MMGT1: variants seen among roughly 807,000 people sequenced by gnomAD.
MMGT1 encodes membrane magnesium transporter 1.
In MMGT1, 2 loss-of-function variants were observed where a neutral mutation model predicts 11.7. That is an observed-to-expected ratio of 0.17 (90% CI 0.07 to 0.54). The LOEUF (loss-of-function observed/expected upper bound fraction) is 0.54. Among genes scored for constraint, MMGT1 ranks in the 20% least tolerant of loss-of-function variants. MMGT1 has a pLI of 0.94. For synonymous variants in MMGT1, 49 were observed against 44.4 expected, an observed-to-expected ratio of 1.10 and a Z score of -0.41; for missense variants, 74 against 109.0, an observed-to-expected ratio of 0.68 and a Z score of 1.43.
intron 3 of MMGT1, 129 bp downstream of exon 3, chrX:135,967,261 A>G: frequency 2.1e-6 from 1 of 465,328 alleles, no homozygotes. Context: ...CTCATTATTC[A>G]TACAAACTGT....
rs782247100 is a variant in MMGT1, at chrX:135,961,541, A to C, written c.*3483T>G. On this transcript the variant is annotated 3_prime_UTR_variant, in exon 4 of 4. Transcript: ENST00000305963. ...TGCATACATCATCTTTCTTGCCCCC[A>C]CTCCCCTTTCTAAGAACACTTAATT... 4.5e-5 allele frequency among the ~76,000 whole-genome samples: 5 copies of C among 110,175 alleles called. No individual in the cohort carries two copies. The East Asian group carries it at 1.4e-3, about 31-fold the overall frequency.
At position 135,960,910 on chromosome X, in the gene MMGT1, G is replaced by A. The variant is rs1045070859; in HGVS notation, c.*4114C>T. 8.9e-6 allele frequency among the ~76,000 whole-genome samples: 1 copy of A among 111,734 alleles called. No individual in the cohort carries two copies. Among genetic ancestry groups the A allele is most frequent in the Non-Finnish European group, 1.9e-5 (1 of 53,081 alleles). On this transcript the variant is annotated 3_prime_UTR_variant, in exon 4 of 4. Transcript: ENST00000305963. ...AAATGCATTAGAACTTCATTAAAAC[G>A]CAAGATACCATTTATTCACTTTCAC...
intron 2 of MMGT1, among the ~76,000 whole-genome samples, chrX:135,968,343 A>C (rs2148118752): frequency 9.0e-6 from 1 of 111,293 alleles, no homozygotes; most frequent in African/African-American, 3.3e-5. Context: ...ATTATATATT[A>C]CTCAGTTTCT....
At chrX:135,969,133 T>A (rs2089203031) in intron 2 of MMGT1, among the ~76,000 whole-genome samples, 1 of 61,806 alleles carries the variant, frequency 1.6e-5, no homozygotes, top group Admixed American at 2.4e-4. Context: ...AAAATAGACA[T>A]AAATATGTGT....
chrX:135,964,912 A>T lies in MMGT1; in HGVS notation c.*112T>A. 1.6e-6 allele frequency: 1 copy of T among 607,107 alleles called. No individual in the cohort carries two copies. Among genetic ancestry groups the T allele is most frequent in the Non-Finnish European group, 2.5e-6 (1 of 394,499 alleles). 50.0% of individuals were successfully genotyped at this position (607,107 alleles called of 1,213,427 possible). On this transcript the variant is annotated 3_prime_UTR_variant, in exon 4 of 4. Coordinates refer to ENST00000305963, the MANE Select transcript of MMGT1 (RefSeq NM_173470.3). ...GGGCCATGGTTTTTTTTACTAAAGT[A>T]GGTCTGAAAGATCAATATAAATACT...
At chrX:135,970,126 A>T (rs2089209135) in intron 2 of MMGT1, among the ~76,000 whole-genome samples, 1 of 111,647 alleles carries the variant, frequency 9.0e-6, no homozygotes, top group Non-Finnish European at 1.9e-5. Context: ...GCACTTTGGG[A>T]GGCTGAGGCA....
In MMGT1 at chrX:135,964,525, A is replaced by G. The variant is rs782453676; in HGVS notation, c.*499T>C. On this transcript the variant is annotated 3_prime_UTR_variant, in exon 4 of 4. Transcript: ENST00000305963. The stretch of plus-strand genomic sequence containing the variant: ...AAACTGGCAAGTACTTCTGAAGCAG[A>G]GCCACTTTTTAGGGGACACAAGAAA... The G allele has an allele frequency of 8.9e-6, 1 of 112,689 alleles. No homozygotes were observed. Among genetic ancestry groups the G allele is most frequent in the South Asian group, 3.6e-4 (1 of 2,748 alleles). The allele number at this position is 112,689 out of a possible 1,213,427, so 9.3% of individuals were successfully genotyped here.
At chrX:135,973,108 G>A (rs1475592158) in intron 1 of MMGT1, among the ~76,000 whole-genome samples, 1 of 111,893 alleles carries the variant, frequency 8.9e-6, no homozygotes, top group Non-Finnish European at 1.9e-5. Context: ...GGTAATGCAA[G>A]TTTTTAACAA....
At chrX:135,973,398 T>G (rs1217765551) in intron 1 of MMGT1, among the ~76,000 whole-genome samples, 199 bp downstream of exon 1, 1 of 112,033 alleles carries the variant, frequency 8.9e-6, no homozygotes, top group East Asian at 2.8e-4. Flanking sequence ...TCCTGCAATT[T>G]CAGGTGCCAC....
At chrX:135,968,201 T>C (rs781842100) in intron 2 of MMGT1, among the ~76,000 whole-genome samples, 1 of 111,600 alleles carries the variant, frequency 9.0e-6, no homozygotes, top group East Asian at 2.8e-4. Flanking sequence ...GTACACAGCA[T>C]AAAGCAATTA....
At chrX:135,971,652 G>A (rs2089220113) in intron 1 of MMGT1, among the ~76,000 whole-genome samples, 1 of 112,186 alleles carries the variant, frequency 8.9e-6, no homozygotes, top group African/African-American at 3.2e-5. Flanking sequence ...ACACAGTATG[G>A]ACAAAATAAT....
At position 135,967,167 on chromosome X, in the gene MMGT1, C is replaced by T. The variant is rs190712693; in HGVS notation, c.236+223G>A. Among the ~76,000 whole-genome samples the T allele has an allele frequency of 5.0e-3, 555 of 111,978 alleles. 3 individuals carry two copies. Among genetic ancestry groups the T allele is most frequent in the African/African-American group, 0.017 (521 of 30,861 alleles). Reference sequence around the variant, plus strand: ...ACAACCAACCAATAATTTTAAGCAACGTATTTTTTTGATTCTACTGTGAAT... The same window carrying T: ...ACAACCAACCAATAATTTTAAGCAATGTATTTTTTTGATTCTACTGTGAAT... On this transcript the variant is annotated intron_variant, in intron 3 of 3. Coordinates refer to ENST00000305963, the MANE Select transcript of MMGT1 (RefSeq NM_173470.3).
Position 135,965,138 on chromosome X carries a change from A to T in MMGT1, c.282T>A (p.Asn94Lys). 1 of 1,208,986 alleles carries T rather than the reference A, an allele frequency of 8.3e-7. No homozygotes were observed. The highest frequency in any genetic ancestry group is 1.1e-6 in the Non-Finnish European group (1 of 893,092). Reference sequence around the variant, plus strand: ...GCCGGAAAAGTACTCGACCACGATGATTAAATACATAAAAGGATGGGTGAT... The same window carrying T: ...GCCGGAAAAGTACTCGACCACGATGTTTAAATACATAAAAGGATGGGTGAT... ...LRNHPSFYVFNHRGRVLFRPS... is the reference protein window; with the variant it reads ...LRNHPSFYVFKHRGRVLFRPS... The change falls in exon 4 of 4, where the codon AAT (asparagine) becomes AAA (lysine). Residue 94 changes from asparagine (N) to lysine (K), a missense_variant. Asn to Lys is a moderately conservative substitution (Grantham distance 94, BLOSUM62 0). Around this residue, in one of 2 missense-constraint regions of MMGT1, gnomAD observed 40 missense variants for 79.6 expected, o/e 0.50. Transcript: ENST00000305963.
chrX:135,970,550 G>A (rs1056916444), intron 2 of MMGT1, among the ~76,000 whole-genome samples: 2 of 111,686 alleles, frequency 1.8e-5, no homozygotes, highest in South Asian at 3.7e-4. Context: ...AGACTATTTC[G>A]ACTACAGCTC....
In MMGT1 at chrX:135,960,589, A is replaced by G. The variant is rs1354391245; in HGVS notation, c.*4435T>C. 3.6e-5 allele frequency among the ~76,000 whole-genome samples: 4 copies of G among 111,975 alleles called. No individual in the cohort carries two copies. Among genetic ancestry groups the G allele is most frequent in the African/African-American group, 1.3e-4 (4 of 30,833 alleles). ...AAGTTGAAAAAAAAACCTTTAAAAT[A>G]CTGGAAAAATACATTAAATTTATTC... On this transcript the variant is annotated 3_prime_UTR_variant, in exon 4 of 4. Transcript: ENST00000305963.
At chrX:135,971,029 A>G in intron 2 of MMGT1, 29 bp downstream of exon 2, 1 of 1,045,955 alleles carries the variant, frequency 9.6e-7, no homozygotes, top group Non-Finnish European at 1.3e-6. Flanking sequence ...TTAAACATAC[A>G]TGTAACGGAA....
chrX:135,970,984 T>TAA, intron 2 of MMGT1, 74 bp downstream of exon 2: 1 of 673,684 alleles, frequency 1.5e-6, no homozygotes, highest in Non-Finnish European at 2.3e-6. Flanking sequence ...GAAAAACCAG[T>TAA]AAAAAAAAAA....
At chrX:135,971,194 G>A in intron 1 of MMGT1, 84 bp from the exon 2 acceptor site, 1 of 664,925 alleles carries the variant, frequency 1.5e-6, no homozygotes, top group East Asian at 3.3e-5. Context: ...CCAAAGAAGT[G>A]GCTGACTTAT....
rs1327276469 is a variant in MMGT1, at chrX:135,963,863, T to C, written c.*1161A>G. The C allele has an allele frequency of 8.9e-6, 1 of 112,742 alleles. No homozygotes were observed. The highest frequency in any genetic ancestry group is 1.9e-5 in the Non-Finnish European group (1 of 53,322). 9.3% of individuals were successfully genotyped at this position (112,742 alleles called of 1,213,427 possible). On this transcript the variant is annotated 3_prime_UTR_variant, in exon 4 of 4. Coordinates refer to ENST00000305963, the MANE Select transcript of MMGT1 (RefSeq NM_173470.3). ...CTCTACAAAGAAATGTTGAGCTTCC[T>C]ACAGCTCTCTAGCTCAAAGAGCTAG...
Sources: allele counts gnomAD v4.1 joint callset (sites outside exome capture counted in the v4.1 genomes callset), GRCh38; gene constraint gnomAD v4.1.1; regional missense constraint gnomAD v4.1.1; transcripts MANE v1.5; gene names NCBI Gene and HGNC (gene_info 2026-07-23, HGNC 2026-07-21).